Variants in ARHGAP10 observed in about 807,000 individuals in gnomAD.
ARHGAP10 encodes the protein Rho GTPase activating protein 10, also known as rho GTPase-activating protein 10.
A neutral mutation model predicts 108.6 loss-of-function variants in ARHGAP10; 87 were observed. That is an observed-to-expected ratio of 0.80 (90% CI 0.67 to 0.96). The LOEUF (loss-of-function observed/expected upper bound fraction) is 0.96, where lower values mean the gene tolerates loss of function less well. ARHGAP10 is among the 40% of genes least tolerant of loss of function. The pLI, the probability that ARHGAP10 is intolerant of heterozygous loss-of-function variation, is 0.00. For synonymous variants in ARHGAP10, 347 were observed against 341.1 expected, an observed-to-expected ratio of 1.02 and a Z score of -0.19; for missense variants, 939 against 954.5, an observed-to-expected ratio of 0.98 and a Z score of 0.21.
intron 18 of ARHGAP10, among the ~76,000 whole-genome samples, chr4:147,992,889 G>A (rs1040447303): frequency 3.9e-5 from 6 of 152,094 alleles, no homozygotes; most frequent in African/African-American, 1.4e-4. Context: ...ATTGTTTTGC[G>A]ATGCTCTGGT....
chr4:147,839,106 A>G (rs1333669984), intron 3 of ARHGAP10, among the ~76,000 whole-genome samples: 1 of 136,490 alleles, frequency 7.3e-6, no homozygotes, highest in African/African-American at 2.8e-5. Context: ...CTATCTATCT[A>G]TCTATCTATC....
chr4:147,984,638 T>C (rs1185005391), intron 18 of ARHGAP10, among the ~76,000 whole-genome samples: 2 of 152,216 alleles, frequency 1.3e-5, no homozygotes, highest in Non-Finnish European at 1.5e-5. Flanking sequence ...GCTCACTGCC[T>C]CCTGTAGGAC....
In ARHGAP10 at chr4:147,996,747, G is replaced by T. The variant is rs115665622; in HGVS notation, c.1717-26516G>T. 8.0e-3 allele frequency among the ~76,000 whole-genome samples: 1,213 copies of T among 152,292 alleles called. 12 individuals are homozygous for T. Among genetic ancestry groups the T allele is most frequent in the African/African-American group, 0.028 (1,146 of 41,552 alleles). ...TTTAACCATTGTAACTGTATTTGAA[G>T]GCAGGGTCTTGAAGGAAGTAATCAG... On this transcript the variant is annotated intron_variant, in intron 18 of 22. Transcript: ENST00000336498.
rs534494450 is a variant in ARHGAP10, at chr4:147,969,975, G to T, written c.1716+3136G>T. 3.3e-3 allele frequency among the ~76,000 whole-genome samples: 495 copies of T among 152,130 alleles called. 3 individuals are homozygous for T. The highest frequency in any genetic ancestry group is 0.011 in the African/African-American group (473 of 41,390). On this transcript the variant is annotated intron_variant, in intron 18 of 22. Coordinates refer to ENST00000336498, the MANE Select transcript of ARHGAP10 (RefSeq NM_024605.4). ...GCTTGGGTTTAGGGTTGGAAGCAGGGTTGTGTGGCAGGGTTGGAGGGTTGG... is the reference window on the plus strand; with the variant it reads ...GCTTGGGTTTAGGGTTGGAAGCAGGTTTGTGTGGCAGGGTTGGAGGGTTGG...
chr4:147,875,076 T>C lies in ARHGAP10; in HGVS notation c.758T>C (p.Ile253Thr). Residue 253 changes from isoleucine (I) to threonine (T), a missense_variant, in exon 8 of 23, where the codon ATC becomes ACC. Physicochemically the swap from Ile to Thr is moderately conservative, Grantham distance 89. Coordinates refer to ENST00000336498, the MANE Select transcript of ARHGAP10 (RefSeq NM_024605.4). Reference sequence around the variant, plus strand: ...GAAGTGGAAGAGCTCATGAACAAAATCAGACAGAATCCCAAGGACCACAAA... The same window carrying C: ...GAAGTGGAAGAGCTCATGAACAAAACCAGACAGAATCCCAAGGACCACAAA... Reference protein sequence around the residue: ...RSEVEELMNKIRQNPKDHKRA... With the variant: ...RSEVEELMNKTRQNPKDHKRA... 2 of 1,610,142 alleles carry C rather than the reference T, an allele frequency of 1.2e-6. No individual in the cohort carries two copies. Among genetic ancestry groups the C allele is most frequent in the Non-Finnish European group, 1.7e-6 (2 of 1,179,144 alleles).
chr4:147,753,052 A>G (rs991772515), intron 1 of ARHGAP10, among the ~76,000 whole-genome samples: 1 of 152,200 alleles, frequency 6.6e-6, no homozygotes, highest in African/African-American at 2.4e-5. Flanking sequence ...ATTTTGTCCA[A>G]AGTCATATGG....
At position 147,798,895 on chromosome 4, in the gene ARHGAP10, C is replaced by T. The variant is rs575304575; in HGVS notation, c.155-23832C>T. ...GGTTTCAGATGGGAAATCCATTGTTCGAATTGGTGTTCCTTACAGATCATG... is the reference window on the plus strand; with the variant it reads ...GGTTTCAGATGGGAAATCCATTGTTTGAATTGGTGTTCCTTACAGATCATG... On this transcript the variant is annotated intron_variant, in intron 1 of 22. Transcript: ENST00000336498. Among the ~76,000 whole-genome samples, 115 of 150,270 alleles carry T rather than the reference C, an allele frequency of 7.7e-4. 1 individual carries two copies. Among genetic ancestry groups the T allele is most frequent in the African/African-American group, 2.7e-3 (108 of 40,338 alleles).
intron 1 of ARHGAP10, among the ~76,000 whole-genome samples, chr4:147,799,059 G>T (rs1228335578): frequency 6.6e-6 from 1 of 151,226 alleles, no homozygotes; most frequent in African/African-American, 2.4e-5. Flanking sequence ...CTTCGAGATG[G>T]AGTCTCACTC....
intron 1 of ARHGAP10, among the ~76,000 whole-genome samples, chr4:147,793,440 G>T (rs572543985): frequency 4.6e-5 from 7 of 152,000 alleles, no homozygotes; most frequent in Non-Finnish European, 1.0e-4. Context: ...ACTTGCATCA[G>T]AGTGAGAAAC....
chr4:147,779,980 C>T (rs1030851476), intron 1 of ARHGAP10, among the ~76,000 whole-genome samples: 7 of 152,152 alleles, frequency 4.6e-5, no homozygotes, highest in African/African-American at 1.4e-4. Context: ...TTTTGCTCTT[C>T]GTACATAAGC....
chr4:147,739,167 A>G (rs1414543996), intron 1 of ARHGAP10, among the ~76,000 whole-genome samples: 2 of 150,406 alleles, frequency 1.3e-5, no homozygotes, highest in Admixed American at 6.6e-5. Context: ...AGCCTGGGCA[A>G]CAGAGCGAGA....
At chr4:147,920,798 T>C (rs1290847747) in intron 13 of ARHGAP10, among the ~76,000 whole-genome samples, 1 of 152,226 alleles carries the variant, frequency 6.6e-6, no homozygotes, top group Non-Finnish European at 1.5e-5. Context: ...GGACTGTCTT[T>C]AGGAGTAGGC....
In ARHGAP10 at chr4:147,954,852, AT is replaced by A. The variant is rs565682431; in HGVS notation, c.1392-459del. 5.4e-4 allele frequency among the ~76,000 whole-genome samples: 82 copies of A among 152,126 alleles called. 1 individual carries two copies. The highest frequency in any genetic ancestry group is 1.9e-3 in the African/African-American group (77 of 41,566). On this transcript the variant is annotated intron_variant, in intron 15 of 22. Transcript: ENST00000336498. ...CTTATAGGAATAAAGATAAATTCTT[AT>A]TTTTATAATATATTTAATCAGAGAG...
intron 3 of ARHGAP10, among the ~76,000 whole-genome samples, chr4:147,841,771 A>G (rs1283736377): frequency 6.6e-6 from 1 of 152,238 alleles, no homozygotes; most frequent in Non-Finnish European, 1.5e-5. Context: ...AGGCTTTGCT[A>G]AAGAAGGAAA....
chr4:147,942,125 T>A (rs887515621), intron 14 of ARHGAP10, among the ~76,000 whole-genome samples: 1 of 152,244 alleles, frequency 6.6e-6, no homozygotes, highest in African/African-American at 2.4e-5. Flanking sequence ...GCCAAGTTTT[T>A]AACTTTGCTT....
chr4:147,940,050 C>A (rs1738115029), intron 14 of ARHGAP10, 151 bp downstream of exon 14: 2 of 720,918 alleles, frequency 2.8e-6, no homozygotes, highest in East Asian at 5.4e-5. Flanking sequence ...ACAATTGACC[C>A]ACAGAAGTAG....
chr4:147,939,572 AACTT>A (rs1738090374), intron 13 of ARHGAP10, among the ~76,000 whole-genome samples: 1 of 152,234 alleles, frequency 6.6e-6, no homozygotes, highest in Non-Finnish European at 1.5e-5. Context: ...ATACTTAACT[AACTT>A]ACTAACATTG....
intron 5 of ARHGAP10, among the ~76,000 whole-genome samples, chr4:147,858,935 C>T (rs1405356212): frequency 2.6e-5 from 4 of 152,218 alleles, no homozygotes; most frequent in Non-Finnish European, 4.4e-5. Context: ...TCTAGTCCAT[C>T]AGTATGTCAT....
intron 21 of ARHGAP10, 111 bp downstream of exon 21, chr4:148,063,411 C>T: frequency 7.0e-7 from 1 of 1,418,820 alleles, no homozygotes; most frequent in Non-Finnish European, 9.6e-7. Flanking sequence ...CCAGATACCC[C>T]CAGCATCCTG....
Sources: allele counts gnomAD v4.1 joint callset (sites outside exome capture counted in the v4.1 genomes callset), GRCh38; gene constraint gnomAD v4.1.1; transcripts MANE v1.5; gene names NCBI Gene and HGNC (gene_info 2026-07-23, HGNC 2026-07-21).